CDK14: variants seen among roughly 807,000 people sequenced by gnomAD.
CDK14 encodes the protein cyclin dependent kinase 14, also known as cyclin-dependent kinase 14.
A neutral mutation model predicts 60.7 loss-of-function variants in CDK14; 34 were observed. The observed-to-expected ratio is 0.56, with a 90% CI of 0.43 to 0.75. The LOEUF (loss-of-function observed/expected upper bound fraction) is 0.75. CDK14 is among the 30% of genes least tolerant of loss of function. CDK14 has a pLI of 0.00. For missense variants in CDK14, 482 were observed against 564.1 expected (o/e 0.85, Z 1.47); for synonymous variants, 197 against 203.7 (o/e 0.97, Z 0.28).
intron 6 of CDK14, among the ~76,000 whole-genome samples, chr7:90,893,238 C>A (rs187025741): frequency 6.6e-6 from 1 of 152,078 alleles, no homozygotes; most frequent in East Asian, 1.9e-4. Context: ...TAAGGCATAG[C>A]AATGGTGATG....
chr7:90,783,810 C>T (rs1026148378), intron 4 of CDK14, among the ~76,000 whole-genome samples: 1 of 152,104 alleles, frequency 6.6e-6, no homozygotes, highest in Non-Finnish European at 1.5e-5. Context: ...GAAAGGGGAA[C>T]ACTTGTATGC....
chr7:90,691,131 A>G (rs1264004396), intron 2 of CDK14, among the ~76,000 whole-genome samples: 1 of 152,140 alleles, frequency 6.6e-6, no homozygotes, highest in Non-Finnish European at 1.5e-5. Context: ...ATGGAGAGAA[A>G]TAATTTTATT....
intron 8 of CDK14, among the ~76,000 whole-genome samples, chr7:90,929,586 A>G (rs561527726): frequency 6.6e-6 from 1 of 152,354 alleles, no homozygotes; most frequent in Admixed American, 6.5e-5. Context: ...ATAAAAGGGA[A>G]TCATTCTTGT....
At chr7:90,634,657 A>G (rs1158455196) in intron 2 of CDK14, among the ~76,000 whole-genome samples, 1 of 151,994 alleles carries the variant, frequency 6.6e-6, no homozygotes, top group Non-Finnish European at 1.5e-5. Context: ...CAGTAATGGG[A>G]TGGCTGGGTC....
chr7:90,745,463 G>A (rs1199775105), intron 3 of CDK14, among the ~76,000 whole-genome samples: 1 of 152,064 alleles, frequency 6.6e-6, no homozygotes, highest in African/African-American at 2.4e-5. Flanking sequence ...AAGTTTTCTG[G>A]GAGAGTTCTG....
intron 8 of CDK14, among the ~76,000 whole-genome samples, chr7:90,952,299 C>T (rs928090298): frequency 1.3e-5 from 2 of 152,046 alleles, no homozygotes; most frequent in Admixed American, 6.6e-5. Context: ...GAACCAGGCT[C>T]AGGGTAGCAG....
intron 8 of CDK14, among the ~76,000 whole-genome samples, chr7:90,926,405 G>T (rs1793416581): frequency 1.3e-5 from 2 of 152,250 alleles, no homozygotes; most frequent in South Asian, 2.1e-4. Flanking sequence ...ATAGAGCTTT[G>T]GTAATTTAAG....
intron 5 of CDK14, among the ~76,000 whole-genome samples, chr7:90,838,948 C>A (rs1045074655): frequency 6.6e-6 from 1 of 152,086 alleles, no homozygotes; most frequent in Admixed American, 6.5e-5. Context: ...ATTCATATAC[C>A]CCCTCCCCTT....
intron 8 of CDK14, among the ~76,000 whole-genome samples, chr7:90,936,155 A>G (rs1018079552): frequency 6.6e-6 from 1 of 152,100 alleles, no homozygotes; most frequent in Admixed American, 6.5e-5. Flanking sequence ...ACGTAACAAT[A>G]TATTTTTCTG....
intron 14 of CDK14, among the ~76,000 whole-genome samples, chr7:91,178,932 A>G (rs1300764717): frequency 6.6e-6 from 1 of 152,130 alleles, no homozygotes; most frequent in Non-Finnish European, 1.5e-5. Flanking sequence ...TAGAAATACC[A>G]TTTGACCCAG....
chr7:91,103,486 A>G (rs1312240319), intron 12 of CDK14, among the ~76,000 whole-genome samples: 4 of 152,138 alleles, frequency 2.6e-5, no homozygotes, highest in Admixed American at 2.0e-4. Context: ...CGCTAGTTTC[A>G]AGGTTGAGTG....
intron 2 of CDK14, among the ~76,000 whole-genome samples, chr7:90,683,794 C>G (rs1470636362): frequency 1.3e-5 from 2 of 152,262 alleles, no homozygotes; most frequent in East Asian, 3.9e-4. Flanking sequence ...GAGCGAGACT[C>G]TGTCTCCAAA....
At chr7:90,863,119 A>G (rs1280564146) in intron 5 of CDK14, 56 bp from the exon 6 acceptor site, 2 of 907,320 alleles carry the variant, frequency 2.2e-6, no homozygotes, top group Admixed American at 3.9e-5. Context: ...ATAATGGTAT[A>G]TATTAGTTGA....
intron 12 of CDK14, among the ~76,000 whole-genome samples, chr7:91,111,505 C>T (rs995129060): frequency 6.6e-6 from 1 of 152,140 alleles, no homozygotes; most frequent in Non-Finnish European, 1.5e-5. Context: ...TTAAAATAAC[C>T]TGTGAGAGAA....
At chr7:90,807,740 C>G (rs1286376382) in intron 5 of CDK14, among the ~76,000 whole-genome samples, 1 of 152,190 alleles carries the variant, frequency 6.6e-6, no homozygotes, top group South Asian at 2.1e-4. Flanking sequence ...AAATGGCTCA[C>G]TAGCATAACC....
intron 2 of CDK14, among the ~76,000 whole-genome samples, chr7:90,625,530 T>C (rs1018882679): frequency 6.6e-6 from 1 of 152,262 alleles, no homozygotes; most frequent in African/African-American, 2.4e-5. Context: ...ATTATTGATC[T>C]CTTATACCTT....
chr7:91,205,314 A>G (rs925837481), intron 14 of CDK14, among the ~76,000 whole-genome samples: 3 of 152,248 alleles, frequency 2.0e-5, no homozygotes, highest in African/African-American at 4.8e-5. Flanking sequence ...GAATGGATAA[A>G]CAAACTGTGG....
At chr7:90,967,486 A>G (rs1415031955) in intron 9 of CDK14, among the ~76,000 whole-genome samples, 1 of 152,178 alleles carries the variant, frequency 6.6e-6, no homozygotes, top group Non-Finnish European at 1.5e-5. Flanking sequence ...GGAGCTGATT[A>G]AATAGCGTAG....
chr7:90,877,520 T>C (rs1301402714), intron 6 of CDK14, among the ~76,000 whole-genome samples: 1 of 152,186 alleles, frequency 6.6e-6, no homozygotes, highest in Non-Finnish European at 1.5e-5. Flanking sequence ...TTTTAAAGCT[T>C]TGGATCTCAA....
Sources: allele counts gnomAD v4.1 joint callset (sites outside exome capture counted in the v4.1 genomes callset), GRCh38; gene constraint gnomAD v4.1.1; transcripts MANE v1.5; gene names NCBI Gene and HGNC (gene_info 2026-07-23, HGNC 2026-07-21).